The following RGS7 variants were observed in gnomAD, a reference collection of about 807,000 sequenced individuals.
The protein encoded by RGS7 is regulator of G protein signaling 7.
A neutral mutation model predicts 81.1 loss-of-function variants in RGS7; 27 were observed. That is an observed-to-expected ratio of 0.33 (90% CI 0.25 to 0.46). The LOEUF is 0.46. RGS7 is among the 20% of genes least tolerant of loss of function. RGS7 has a pLI of 1.00. For synonymous variants in RGS7, 208 were observed against 207.7 expected, an observed-to-expected ratio of 1.00 and a Z score of -0.01; for missense variants, 396 against 607.4, an observed-to-expected ratio of 0.65 and a Z score of 3.66.
intron 5 of RGS7, among the ~76,000 whole-genome samples, chr1:240,936,031 G>T (rs1420120829): frequency 1.3e-5 from 2 of 152,116 alleles, no homozygotes; most frequent in Non-Finnish European, 2.9e-5. Context: ...CACAATCATT[G>T]CCAGAAAGAA....
At chr1:241,040,658 T>C (rs542521912) in intron 3 of RGS7, among the ~76,000 whole-genome samples, 12 of 152,186 alleles carry the variant, frequency 7.9e-5, no homozygotes, top group African/African-American at 2.9e-4. Context: ...ACCCGGCTAA[T>C]TTTGTATTTT....
At chr1:241,147,189 T>C (rs1454572924) in intron 2 of RGS7, among the ~76,000 whole-genome samples, 1 of 152,162 alleles carries the variant, frequency 6.6e-6, no homozygotes, top group African/African-American at 2.4e-5. Flanking sequence ...AGAAAGAAAT[T>C]ACTCTTTGAC....
intron 4 of RGS7, among the ~76,000 whole-genome samples, chr1:240,946,684 A>T (rs1333499149): frequency 1.3e-5 from 2 of 152,232 alleles, no homozygotes; most frequent in Non-Finnish European, 2.9e-5. Context: ...TAAAGTACAT[A>T]GTGAGACAGC....
chr1:240,956,693 C>T (rs1255609453), intron 4 of RGS7, among the ~76,000 whole-genome samples: 1 of 152,082 alleles, frequency 6.6e-6, no homozygotes, highest in Non-Finnish European at 1.5e-5. Flanking sequence ...AAAGAAGCCA[C>T]TCTAAAAAGC....
At chr1:240,873,880 T>C (rs1250307939) in intron 6 of RGS7, among the ~76,000 whole-genome samples, 1 of 152,220 alleles carries the variant, frequency 6.6e-6, no homozygotes, top group Non-Finnish European at 1.5e-5. Flanking sequence ...TCTTTTTTTT[T>C]TCTCTTTTAA....
chr1:241,050,747 G>C (rs1453431323), intron 3 of RGS7, among the ~76,000 whole-genome samples: 88 of 152,068 alleles, frequency 5.8e-4, no homozygotes, highest in Non-Finnish European at 1.0e-4. Context: ...AAACTGTTAT[G>C]ATGATCCACT....
chr1:240,900,073 G>A (rs1264960830), intron 6 of RGS7, among the ~76,000 whole-genome samples: 7 of 151,884 alleles, frequency 4.6e-5, no homozygotes, highest in Non-Finnish European at 2.9e-5. Flanking sequence ...CCACTTGATC[G>A]AATCGGCTAT....
chr1:240,833,098 A>G (rs1694118472), intron 9 of RGS7, among the ~76,000 whole-genome samples: 1 of 152,242 alleles, frequency 6.6e-6, no homozygotes, highest in South Asian at 2.1e-4. Context: ...ATAAAATAAT[A>G]AAATATGCCA....
chr1:241,174,094 TG>T (rs1482243211), intron 2 of RGS7, among the ~76,000 whole-genome samples: 1 of 152,198 alleles, frequency 6.6e-6, no homozygotes, highest in Non-Finnish European at 1.5e-5. Flanking sequence ...TTATAGGACT[TG>T]CTATCCACCT....
At chr1:241,235,022 A>G (rs2075852461) in intron 2 of RGS7, among the ~76,000 whole-genome samples, 1 of 152,202 alleles carries the variant, frequency 6.6e-6, no homozygotes, top group South Asian at 2.1e-4. Context: ...ATTCTAATTT[A>G]TTCATCATGA....
At chr1:241,042,776 C>A (rs2060692990) in intron 3 of RGS7, among the ~76,000 whole-genome samples, 1 of 151,932 alleles carries the variant, frequency 6.6e-6, no homozygotes, top group Non-Finnish European at 1.5e-5. Context: ...CGTGTCTCTA[C>A]TAAAAATACA....
At chr1:240,946,469 T>C (rs1429023400) in intron 4 of RGS7, among the ~76,000 whole-genome samples, 1 of 152,022 alleles carries the variant, frequency 6.6e-6, no homozygotes, top group African/African-American at 2.4e-5. Flanking sequence ...TAGCAGGGCA[T>C]GGTGGTGCAC....
intron 4 of RGS7, among the ~76,000 whole-genome samples, chr1:240,969,549 AT>A (rs1210444263): frequency 1.3e-5 from 2 of 152,226 alleles, no homozygotes; most frequent in Non-Finnish European, 2.9e-5. Context: ...AAAGACAGAA[AT>A]TCTAATTAGA....
At chr1:241,274,927 T>A (rs1484652412) in intron 2 of RGS7, among the ~76,000 whole-genome samples, 2 of 152,254 alleles carry the variant, frequency 1.3e-5, no homozygotes, top group Non-Finnish European at 2.9e-5. Context: ...TGACGAGATA[T>A]TTCCTTATCC....
chr1:240,868,535 T>C lies in RGS7; in HGVS notation c.609+52A>G. 1 of 1,548,664 alleles carries C rather than the reference T, an allele frequency of 6.5e-7. No homozygotes were observed. The highest frequency in any genetic ancestry group is 1.1e-5 in the South Asian group (1 of 89,690). Reference sequence around the variant, plus strand: ...CTTACTTTGGCAGGGCACCCCTCACTTCCCACAGACGGAGAAGATGGATTC... The same window carrying C: ...CTTACTTTGGCAGGGCACCCCTCACCTCCCACAGACGGAGAAGATGGATTC... On this transcript the variant is annotated intron_variant, in intron 9 of 18. Coordinates refer to ENST00000440928, the MANE Select transcript of RGS7 (RefSeq NM_001364886.1). This position sits in a 1 kb window ranked among gnomAD's most constrained non-coding sequence, Gnocchi z 5.1.
intron 2 of RGS7, among the ~76,000 whole-genome samples, chr1:241,168,564 G>T (rs1441008664): frequency 6.6e-6 from 1 of 152,116 alleles, no homozygotes; most frequent in Non-Finnish European, 1.5e-5. Context: ...ACTTGATGGG[G>T]TTATCACTCC....
At chr1:241,054,528 T>C (rs2061393409) in intron 3 of RGS7, among the ~76,000 whole-genome samples, 1 of 152,198 alleles carries the variant, frequency 6.6e-6, no homozygotes, top group African/African-American at 2.4e-5. Flanking sequence ...TAATCTCCCA[T>C]TTGAGCACCT....
At chr1:241,356,196 G>A (rs1388236088) in intron 1 of RGS7, among the ~76,000 whole-genome samples, 2 of 151,888 alleles carry the variant, frequency 1.3e-5, no homozygotes, top group African/African-American at 4.8e-5. Context: ...TTCCCCAAAG[G>A]GTGGAAAGGC....
At chr1:241,270,408 T>G (rs889741225) in intron 2 of RGS7, among the ~76,000 whole-genome samples, 1 of 152,360 alleles carries the variant, frequency 6.6e-6, no homozygotes, top group East Asian at 1.9e-4. Flanking sequence ...TCTCTTTTAA[T>G]GATCTTGAGG....
Sources: allele counts gnomAD v4.1 joint callset (sites outside exome capture counted in the v4.1 genomes callset), GRCh38; gene constraint gnomAD v4.1.1; non-coding constraint Gnocchi (gnomAD v3.1); transcripts MANE v1.5; gene names NCBI Gene and HGNC (gene_info 2026-07-23, HGNC 2026-07-21).